SLC12A7: variants seen among roughly 807,000 people sequenced by gnomAD.
SLC12A7 encodes solute carrier family 12 member 7.
A neutral mutation model predicts 120.6 loss-of-function variants in SLC12A7; 100 were observed. The observed-to-expected ratio is 0.83, with a 90% CI of 0.71 to 0.98. SLC12A7 has a LOEUF of 0.98. Ranked by LOEUF, SLC12A7 falls within the 50% of genes least tolerant of loss-of-function variation. The pLI, the probability that SLC12A7 is intolerant of heterozygous loss-of-function variation, is 0.00. For synonymous variants in SLC12A7, 760 were observed against 678.0 expected (o/e 1.12, Z -1.88); for missense variants, 1,373 against 1,548.1 (o/e 0.89, Z 1.90).
the SLC12A7 span, among the ~76,000 whole-genome samples, chr5:1,121,220 C>T: frequency 6.6e-6 from 1 of 152,142 alleles, no homozygotes; most frequent in Non-Finnish European, 1.5e-5. Context: ...TATTTATCAC[C>T]AAGTGTCTGG....
At position 1,069,739 on chromosome 5, in the gene SLC12A7, CGTGAT is replaced by C. The variant is rs767823096; in HGVS notation, c.2241+3889_2241+3893del. Among the ~76,000 whole-genome samples the C allele has an allele frequency of 4.1e-3, 629 of 152,298 alleles. 9 individuals carry two copies. Among genetic ancestry groups the C allele is most frequent in the Non-Finnish European group, 4.7e-3 (322 of 68,010 alleles). On this transcript the variant is annotated intron_variant, in intron 17 of 23. Coordinates refer to ENST00000264930, the MANE Select transcript of SLC12A7 (RefSeq NM_006598.3). ...CTCCAGGTGACGTGACGTGACGTGA[CGTGAT>C]GGGACCCCACAGGCTTTCATCGTGT...
In SLC12A7 at chr5:1,052,429, C is replaced by T; in HGVS notation, c.3183G>A (p.Leu1061=). Residue 1061 remains leucine (L), a synonymous_variant, in exon 24 of 24, where the codon CTG becomes CTA. Transcript: ENST00000264930. ...DENYMEFLEV[L]TEGLNRVLLV... ...GGAGGACTCTGTTCAGCCCCTCGGT[C>T]AGGACTTCAAGAAACTCCATGTCTG... 6.2e-7 allele frequency: 1 copy of T among 1,612,898 alleles called. No homozygotes were observed. The highest frequency in any genetic ancestry group is 8.5e-7 in the Non-Finnish European group (1 of 1,179,984).
chr5:1,068,959 C>T (rs1737346066), intron 17 of SLC12A7, among the ~76,000 whole-genome samples: 1 of 152,250 alleles, frequency 6.6e-6, no homozygotes, highest in African/African-American at 2.4e-5. Context: ...AGTTCCAACT[C>T]CGGGATTCCT....
chr5:1,113,210 A>G (rs1278991011), upstream of SLC12A7, among the ~76,000 whole-genome samples: 1 of 152,238 alleles, frequency 6.6e-6, no homozygotes, highest in African/African-American at 2.4e-5. Flanking sequence ...CTGTACGACA[A>G]CAAAGCAGAA....
upstream of SLC12A7, among the ~76,000 whole-genome samples, chr5:1,112,836 A>G (rs1743144210): frequency 6.8e-6 from 1 of 147,516 alleles, no homozygotes; most frequent in Non-Finnish European, 1.5e-5. Flanking sequence ...AGCTTGGTCC[A>G]GCTCCAGTTT....
chr5:1,088,737 G>T (rs999757419), intron 4 of SLC12A7, among the ~76,000 whole-genome samples: 2 of 152,200 alleles, frequency 1.3e-5, no homozygotes, highest in Non-Finnish European at 2.9e-5. Flanking sequence ...GTGCCAGCAC[G>T]CCAGTCAACA....
At chr5:1,104,863 C>A (rs1326656646) in intron 1 of SLC12A7, among the ~76,000 whole-genome samples, 1 of 152,262 alleles carries the variant, frequency 6.6e-6, no homozygotes, top group Non-Finnish European at 1.5e-5. Context: ...GCCCACGTCA[C>A]AGCCCAGGGC....
At position 1,065,361 on chromosome 5, in the gene SLC12A7, T is replaced by TCAGGCCGCC; in HGVS notation, c.2350_2358dup (p.Gly784_Leu786dup). Reference sequence around the variant, plus strand: ...CAGGCCATGAGCACCGTGTTGTGCTTCAGGCCGCCCAGGCCGGCCGACTGG... The same window carrying TCAGGCCGCC: ...CAGGCCATGAGCACCGTGTTGTGCTTCAGGCCGCCCAGGCCGCCCAGGCCGGCCGACTGG... On this transcript the variant is annotated inframe_insertion, in exon 18 of 24. Transcript: ENST00000264930. The TCAGGCCGCC allele has an allele frequency of 6.2e-7, 1 of 1,612,146 alleles. No homozygotes were observed. The highest frequency in any genetic ancestry group is 8.5e-7 in the Non-Finnish European group (1 of 1,179,364).
At chr5:1,080,201 GC>G (rs1310443216) in intron 9 of SLC12A7, among the ~76,000 whole-genome samples, 84 of 34,690 alleles carry the variant, frequency 2.4e-3, no homozygotes, top group Non-Finnish European at 5.1e-3. Flanking sequence ...CCACGCAGAG[GC>G]TCTACCCCCA....
intron 20 of SLC12A7, among the ~76,000 whole-genome samples, 184 bp from the exon 21 acceptor site, chr5:1,060,635 G>A (rs552069153): frequency 2.6e-5 from 4 of 152,310 alleles, no homozygotes; most frequent in Admixed American, 1.3e-4. Flanking sequence ...GTGAGCGCAC[G>A]ATGGGCAGTC....
chr5:1,117,332 G>A, the SLC12A7 span, among the ~76,000 whole-genome samples: 6 of 152,172 alleles, frequency 3.9e-5, no homozygotes, highest in South Asian at 2.1e-4. This position sits in a 1 kb window ranked among gnomAD's most constrained non-coding sequence, Gnocchi z 4.5. Flanking sequence ...GAAGGGTTCC[G>A]ACCTGACTCC....
chr5:1,092,239 G>C (rs552657164), intron 3 of SLC12A7, among the ~76,000 whole-genome samples: 34 of 152,378 alleles, frequency 2.2e-4, no homozygotes, highest in African/African-American at 7.9e-4. Context: ...CTGACTTCCC[G>C]ACTGCTGTGT....
chr5:1,076,111 C>G, intron 14 of SLC12A7, 27 bp downstream of exon 14: 2 of 1,579,916 alleles, frequency 1.3e-6, no homozygotes, highest in South Asian at 1.1e-5. Flanking sequence ...CTGTGGGGCT[C>G]CTCACGCCCG....
rs1253701501 is a variant in SLC12A7, at chr5:1,083,834, T to C, written c.1040A>G (p.Gln347Arg). 1 of 1,608,822 alleles carries C rather than the reference T, an allele frequency of 6.2e-7. No homozygotes were observed. Among genetic ancestry groups the C allele is most frequent in the Non-Finnish European group, 8.5e-7 (1 of 1,177,328 alleles). Residue 347 changes from glutamine to arginine, a missense_variant, in exon 8 of 24, where the codon CAG becomes CGG. Transcript: ENST00000264930. ...ALWGLFCNGS[Q>R]PSAACDEYFI... Reference sequence around the variant, plus strand: ...GTACTCGTCACAGGCGGCGCTGGGCTGGGAGCCGTTGCAGAAGAGGCCCCA... The same window carrying C: ...GTACTCGTCACAGGCGGCGCTGGGCCGGGAGCCGTTGCAGAAGAGGCCCCA...
At chr5:1,079,920 C>G (rs954432593) in intron 9 of SLC12A7, among the ~76,000 whole-genome samples, 1 of 152,354 alleles carries the variant, frequency 6.6e-6, no homozygotes, top group East Asian at 1.9e-4. Flanking sequence ...GCAGACGCTG[C>G]GACCCCTCCC....
At chr5:1,096,960 C>T (rs1741327948) in intron 1 of SLC12A7, among the ~76,000 whole-genome samples, 1 of 151,716 alleles carries the variant, frequency 6.6e-6, no homozygotes, top group South Asian at 2.1e-4. Context: ...TCGGGTTCTC[C>T]CTCCCACGCA....
intron 18 of SLC12A7, among the ~76,000 whole-genome samples, chr5:1,064,853 A>AGATGGTGAGGGGACCACGAGGG (rs1554012884): frequency 4.5e-5 from 2 of 44,612 alleles, no homozygotes; most frequent in Non-Finnish European, 8.7e-5. Context: ...GACGGCGAGG[A>AGATGGTGAGGGGACCACGAGGG]GACGGCGAGG....
chr5:1,095,400 G>C (rs1325288950), intron 1 of SLC12A7, among the ~76,000 whole-genome samples: 2 of 152,182 alleles, frequency 1.3e-5, no homozygotes, highest in African/African-American at 2.4e-5. Context: ...CCCCAGCCAG[G>C]CACGGTGAGG....
chr5:1,074,271 G>A (rs923962547), intron 16 of SLC12A7, among the ~76,000 whole-genome samples: 1 of 152,126 alleles, frequency 6.6e-6, no homozygotes, highest in African/African-American at 2.4e-5. Flanking sequence ...GAGGCCCTGA[G>A]GGGCAGAGGC....
Sources: gnomAD v4.1 joint callset for allele counts (sites outside exome capture counted in the v4.1 genomes callset) on GRCh38, gnomAD v4.1.1 for gene constraint, Gnocchi (gnomAD v3.1) non-coding constraint, MANE v1.5 for transcripts, NCBI Gene and HGNC (gene_info 2026-07-23, HGNC 2026-07-21) for gene names.